SEMA4B: variants seen among roughly 807,000 people sequenced by gnomAD.
SEMA4B encodes the protein semaphorin 4B, also known as semaphorin-4B.
In SEMA4B, 55 loss-of-function variants were observed where a neutral mutation model predicts 88.1. The observed-to-expected ratio is 0.62, with a 90% CI of 0.50 to 0.78. SEMA4B has a LOEUF of 0.78. SEMA4B is among the 30% of genes least tolerant of loss of function. SEMA4B has a pLI of 0.00. For missense variants in SEMA4B, 1,062 were observed against 1,111.9 expected (o/e 0.96, Z 0.64); for synonymous variants, 525 against 473.6 (o/e 1.11, Z -1.41).
upstream of SEMA4B, among the ~76,000 whole-genome samples, chr15:90,200,857 G>A (rs1960677245): frequency 6.6e-6 from 1 of 152,238 alleles, no homozygotes; most frequent in Admixed American, 6.5e-5. Flanking sequence ...GGATTGACCT[G>A]TGCAAAAATT....
chr15:90,189,327 T>C (rs1193206307), intron 1 of SEMA4B, among the ~76,000 whole-genome samples: 2 of 152,226 alleles, frequency 1.3e-5, no homozygotes, highest in Non-Finnish European at 2.9e-5. Context: ...ATAGGTTGAA[T>C]ATCCATATGG....
Position 90,201,535 on chromosome 15 carries a change from C to A in SEMA4B, c.-44C>A. On this transcript the variant is annotated 5_prime_UTR_variant, in exon 1 of 14. Coordinates refer to ENST00000411539, the MANE Select transcript of SEMA4B (RefSeq NM_198925.4). ...CTGCCGCCCGTGAGTCCGGCCGAGC[C>A]ACCTGAGCCCGAGCCGCGGGACACC... 2 of 1,365,784 alleles carry A rather than the reference C, an allele frequency of 1.5e-6. No homozygotes were observed. The highest frequency in any genetic ancestry group is 1.9e-6 in the Non-Finnish European group (2 of 1,063,440). The allele number at this position is 1,365,784 out of a possible 1,614,324, so 84.6% of individuals were successfully genotyped here.
intron 1 of SEMA4B, among the ~76,000 whole-genome samples, chr15:90,211,525 A>T (rs1352697671): frequency 2.6e-5 from 4 of 152,260 alleles, no homozygotes; most frequent in Non-Finnish European, 5.9e-5. Context: ...TCCATGCTCC[A>T]TGAGGAAGAA....
intron 1 of SEMA4B, among the ~76,000 whole-genome samples, chr15:90,211,420 C>G (rs1961261348): frequency 6.6e-6 from 1 of 152,168 alleles, no homozygotes; most frequent in Non-Finnish European, 1.5e-5. Flanking sequence ...ATGGGAGGAC[C>G]CTTGGCACAC....
intron 4 of SEMA4B, among the ~76,000 whole-genome samples, chr15:90,220,459 C>T (rs2041243300): frequency 6.7e-6 from 1 of 149,946 alleles, no homozygotes; most frequent in African/African-American, 2.5e-5. Flanking sequence ...GCTCTGCCTC[C>T]TGGGTTCACG....
In SEMA4B at chr15:90,229,598, A is replaced by G. The variant is rs1962401979; in HGVS notation, c.*955A>G. On this transcript the variant is annotated 3_prime_UTR_variant, in exon 14 of 14. Coordinates refer to ENST00000411539, the MANE Select transcript of SEMA4B (RefSeq NM_198925.4). The stretch of plus-strand genomic sequence containing the variant: ...GGCCCTGAATTTATGTGGTTTTTAT[A>G]CATTTTTTAATAAGATGCACTTTAT... 4 of 337,212 alleles carry G rather than the reference A, an allele frequency of 1.2e-5. No individual in the cohort carries two copies. The highest frequency in any genetic ancestry group is 8.8e-5 in the African/African-American group (4 of 45,532). The allele number at this position is 337,212 out of a possible 1,614,324, so 20.9% of individuals were successfully genotyped here. A position where few individuals can be genotyped will look rare whatever the true frequency, so the allele number is the denominator to read the frequency against.
chr15:90,226,140 A>G (rs1596161366), intron 12 of SEMA4B, among the ~76,000 whole-genome samples: 1 of 152,316 alleles, frequency 6.6e-6, no homozygotes, highest in Non-Finnish European at 1.5e-5. Context: ...GAAACAGTCC[A>G]TTAACAAACC....
intron 1 of SEMA4B, chr15:90,214,903 T>C: frequency 3.8e-6 from 4 of 1,050,988 alleles, no homozygotes; most frequent in Non-Finnish European, 5.0e-6. Context: ...ACTACTTTCT[T>C]TTCTTCATGT....
At chr15:90,224,009 C>G in intron 9 of SEMA4B, 21 bp downstream of exon 9, 2 of 1,596,290 alleles carry the variant, frequency 1.3e-6, no homozygotes, top group South Asian at 2.2e-5. Flanking sequence ...GCTCCCTGCA[C>G]CCAGAAGGGG....
intron 1 of SEMA4B, among the ~76,000 whole-genome samples, chr15:90,202,433 T>C (rs1846797142): frequency 6.6e-6 from 1 of 152,252 alleles, no homozygotes; most frequent in South Asian, 2.1e-4. Context: ...CCTGGTTGGC[T>C]GGGTTCCTTT....
At position 90,201,736 on chromosome 15, in the gene SEMA4B, G is replaced by T; in HGVS notation, c.157+1G>T. On this transcript the variant is annotated splice_donor_variant, in intron 1 of 13. Coordinates refer to ENST00000411539, the MANE Select transcript of SEMA4B (RefSeq NM_198925.4). LOFTEE classifies it high-confidence loss of function. Reference sequence around the variant, plus strand: ...AGCCCCCGGATCAGCCTGCCTCTGGGTGAGTGCCGGGGACCCGGGGACGCG... The same window carrying T: ...AGCCCCCGGATCAGCCTGCCTCTGGTTGAGTGCCGGGGACCCGGGGACGCG... 6.9e-7 allele frequency: 1 copy of T among 1,444,776 alleles called. No homozygotes were observed. The highest frequency in any genetic ancestry group is 9.1e-7 in the Non-Finnish European group (1 of 1,103,574). The allele number at this position is 1,444,776 out of a possible 1,614,324, so 89.5% of individuals were successfully genotyped here.
chr15:90,201,180 C>A (rs988429267), upstream of SEMA4B: 1 of 351,168 alleles, frequency 2.8e-6, no homozygotes, highest in Non-Finnish European at 4.0e-6. Flanking sequence ...CTCCGGCGGC[C>A]GCCGGGGCTA....
chr15:90,224,638 G>A (rs1024405385), intron 9 of SEMA4B, among the ~76,000 whole-genome samples: 5 of 152,200 alleles, frequency 3.3e-5, no homozygotes, highest in South Asian at 4.1e-4. Flanking sequence ...CGCTCTGCCC[G>A]GCCAGGGCTT....
chr15:90,194,724 T>G (rs1960449305), intron 1 of SEMA4B, among the ~76,000 whole-genome samples: 1 of 152,112 alleles, frequency 6.6e-6, no homozygotes, highest in African/African-American at 2.4e-5. Flanking sequence ...GTTTAATCAC[T>G]CAAAATTTTA....
chr15:90,188,484 C>T (rs1323913215), intron 1 of SEMA4B, among the ~76,000 whole-genome samples: 1 of 151,770 alleles, frequency 6.6e-6, no homozygotes, highest in Admixed American at 6.6e-5. Context: ...AAAAATTAGC[C>T]AGGCATGGTG....
intron 1 of SEMA4B, among the ~76,000 whole-genome samples, chr15:90,210,438 C>A (rs1961209330): frequency 6.6e-6 from 1 of 152,168 alleles, no homozygotes; most frequent in African/African-American, 2.4e-5. Flanking sequence ...GCAGACAGAC[C>A]TAGAGAGCAA....
intron 7 of SEMA4B, among the ~76,000 whole-genome samples, chr15:90,223,298 A>T (rs933441981): frequency 6.6e-6 from 1 of 152,162 alleles, no homozygotes; most frequent in Non-Finnish European, 1.5e-5. Context: ...ATTAGGCTAT[A>T]TTGGGGTCCT....
intron 1 of SEMA4B, among the ~76,000 whole-genome samples, chr15:90,194,889 C>T (rs1165917673): frequency 1.3e-5 from 2 of 152,116 alleles, no homozygotes; most frequent in South Asian, 2.1e-4. Flanking sequence ...TTGTAGACAT[C>T]GTGACATTTC....
chr15:90,221,512 G>C, intron 6 of SEMA4B, 32 bp downstream of exon 6: 1 of 1,606,870 alleles, frequency 6.2e-7, no homozygotes, highest in Non-Finnish European at 8.5e-7. Context: ...CCAGAGGGCA[G>C]GGATCCTGTT....
Sources: allele counts gnomAD v4.1 joint callset (sites outside exome capture counted in the v4.1 genomes callset), GRCh38; gene constraint gnomAD v4.1.1; transcripts MANE v1.5; gene names NCBI Gene and HGNC (gene_info 2026-07-23, HGNC 2026-07-21).